The following MROH9 variants were observed in gnomAD, a reference collection of about 807,000 sequenced individuals.
The protein encoded by MROH9 is maestro heat like repeat family member 9.
Under a neutral mutation model 98.2 loss-of-function variants are expected in MROH9, and 92 were observed. That is an observed-to-expected ratio of 0.94 (90% CI 0.79 to 1.11). The LOEUF (loss-of-function observed/expected upper bound fraction) is 1.11, where lower values mean the gene tolerates loss of function less well. MROH9 is among the 50% of genes most tolerant of loss of function. The pLI is 0.00. For missense variants in MROH9, 1,057 were observed against 1,014.8 expected (o/e 1.04, Z -0.57); for synonymous variants, 397 against 368.9 (o/e 1.08, Z -0.87).
intron 20 of MROH9, among the ~76,000 whole-genome samples, chr1:171,039,338 A>G (rs560426485): frequency 6.6e-6 from 1 of 152,286 alleles, no homozygotes; most frequent in South Asian, 2.1e-4. Flanking sequence ...AAACAACATA[A>G]TAATTTATTT....
intron 20 of MROH9, among the ~76,000 whole-genome samples, chr1:171,034,702 G>C (rs1050758170): frequency 1.3e-5 from 2 of 152,216 alleles, no homozygotes; most frequent in East Asian, 3.9e-4. Flanking sequence ...CATAGATCTT[G>C]ATAAGTTGAT....
At chr1:170,935,910 T>TGAACTC (rs1648857271) in intron 1 of MROH9, among the ~76,000 whole-genome samples, 1 of 138,522 alleles carries the variant, frequency 7.2e-6, no homozygotes, top group African/African-American at 2.7e-5. Flanking sequence ...GAGAATCACT[T>TGAACTC]GAACTCGGGA....
intron 20 of MROH9, among the ~76,000 whole-genome samples, chr1:171,048,596 G>A (rs1048161461): frequency 7.2e-5 from 11 of 152,076 alleles, no homozygotes; most frequent in Non-Finnish European, 1.6e-4. Context: ...CAAAAGTCAA[G>A]TCCTGGAATC....
intron 1 of MROH9, among the ~76,000 whole-genome samples, chr1:170,938,808 A>G (rs778739187): frequency 3.3e-5 from 5 of 152,220 alleles, no homozygotes; most frequent in African/African-American, 4.8e-5. Flanking sequence ...TCAAGCTGCC[A>G]CCAGGTAGCT....
intron 20 of MROH9, among the ~76,000 whole-genome samples, chr1:171,035,323 T>G (rs1653063046): frequency 6.6e-6 from 1 of 151,002 alleles, no homozygotes; most frequent in Admixed American, 6.6e-5. Context: ...AGAGAAAACA[T>G]AGAGACAAAT....
At chr1:171,054,730 T>C (rs1436403562) in intron 20 of MROH9, among the ~76,000 whole-genome samples, 1 of 152,066 alleles carries the variant, frequency 6.6e-6, no homozygotes, top group African/African-American at 2.4e-5. Flanking sequence ...AATATACAAA[T>C]GGCCAACAAA....
intron 13 of MROH9, among the ~76,000 whole-genome samples, 189 bp from the exon 14 acceptor site, chr1:170,996,318 A>G (rs1651564091): frequency 6.6e-6 from 1 of 152,216 alleles, no homozygotes; most frequent in African/African-American, 2.4e-5. Context: ...CACAATTTTA[A>G]TTTAACCCCT....
chr1:170,995,421 TGGTTCCTACA>T lies in MROH9; in HGVS notation c.1230_1239del (p.Ser411LysfsTer11). 2 of 1,613,444 alleles carry T rather than the reference TGGTTCCTACA, an allele frequency of 1.2e-6. No homozygotes were observed. The highest frequency in any genetic ancestry group is 1.7e-6 in the Non-Finnish European group (2 of 1,179,540). On this transcript the variant is annotated frameshift_variant, in exon 13 of 22. Transcript: ENST00000367759. LOFTEE classifies it high-confidence loss of function. ...AGGCCCTGTGCACCTTTCTGCCTCTTGGTTCCTACAGGAAAGCGGTGGCCCAGTATTTCCC... is the reference window on the plus strand; with the variant it reads ...AGGCCCTGTGCACCTTTCTGCCTCTTGGAAAGCGGTGGCCCAGTATTTCCC...
At chr1:171,049,438 C>G (rs569892363) in intron 20 of MROH9, among the ~76,000 whole-genome samples, 4 of 152,198 alleles carry the variant, frequency 2.6e-5, no homozygotes, top group African/African-American at 9.6e-5. Context: ...CAGTGCTGTC[C>G]TGTTAGAGCG....
At chr1:170,985,879 T>C (rs1651112385) in intron 9 of MROH9, among the ~76,000 whole-genome samples, 1 of 152,062 alleles carries the variant, frequency 6.6e-6, no homozygotes, top group South Asian at 2.1e-4. Context: ...AAAGCAATAC[T>C]CCATCCCTTT....
At chr1:170,958,070 A>G (rs1188883365) in intron 3 of MROH9, among the ~76,000 whole-genome samples, 1 of 151,996 alleles carries the variant, frequency 6.6e-6, no homozygotes, top group African/African-American at 2.4e-5. Context: ...CGGCCTCCCA[A>G]AGTGCTGGGA....
chr1:170,960,231 G>C (rs1279228809), intron 5 of MROH9, among the ~76,000 whole-genome samples: 1 of 152,146 alleles, frequency 6.6e-6, no homozygotes, highest in African/African-American at 2.4e-5. Context: ...ACACAGATTT[G>C]TAGGCTGCTA....
Position 170,956,329 on chromosome 1 carries a change from AT to A in MROH9, c.73-2123del, listed in dbSNP as rs878901296. 4.6e-5 allele frequency among the ~76,000 whole-genome samples: 7 copies of A among 151,012 alleles called. No individual in the cohort carries two copies. In the East Asian group the frequency reaches 7.8e-4, roughly 17 times the overall value. ...TTTTTGGTTCCATATGAATTTTAGA[AT>A]TTTTTTTTCTAATTCTATGAAGAAT... is the stretch of plus-strand genomic sequence containing the variant. On this transcript the variant is annotated intron_variant, in intron 3 of 21. Coordinates refer to ENST00000367759, the MANE Select transcript of MROH9 (RefSeq NM_001163629.2).
At position 170,971,752 on chromosome 1, in the gene MROH9, G is replaced by T. The variant is rs1298177082; in HGVS notation, c.485G>T (p.Ser162Ile). 6.2e-7 allele frequency: 1 copy of T among 1,614,010 alleles called. No individual in the cohort carries two copies. Among genetic ancestry groups the T allele is most frequent in the Admixed American group, 1.7e-5 (1 of 60,016 alleles). ...FTVTKVRKYI[S>I]VDAPCLGLLA... ...TCTCCTTTGTTTCTCCATTAGATAA[G>T]TGTTGATGCTCCATGTTTGGGTCTC... is the stretch of plus-strand genomic sequence containing the variant. The change falls in exon 8 of 22, where the codon AGT becomes ATT. Residue 162 changes from serine to isoleucine, a missense_variant. Transcript: ENST00000367759.
intron 17 of MROH9, among the ~76,000 whole-genome samples, chr1:171,017,384 T>A (rs1450233490): frequency 4.6e-5 from 7 of 152,108 alleles, no homozygotes; most frequent in Non-Finnish European, 1.0e-4. Flanking sequence ...AGGCAGTGAG[T>A]GAGCATGCTA....
chr1:170,990,562 G>T (rs932799502), intron 11 of MROH9, among the ~76,000 whole-genome samples: 1 of 152,116 alleles, frequency 6.6e-6, no homozygotes, highest in African/African-American at 2.4e-5. Flanking sequence ...AACCTAACAG[G>T]CACATTAGAA....
intron 20 of MROH9, among the ~76,000 whole-genome samples, chr1:171,036,391 T>TA (rs529852150): frequency 4.7e-4 from 72 of 152,214 alleles, no homozygotes; most frequent in African/African-American, 1.5e-3. Flanking sequence ...TATATATACA[T>TA]ACCAAGAGTT....
intron 20 of MROH9, among the ~76,000 whole-genome samples, chr1:171,035,666 A>T (rs753476431): frequency 6.6e-6 from 1 of 152,194 alleles, no homozygotes; most frequent in African/African-American, 2.4e-5. Flanking sequence ...ATAAACATAT[A>T]AAAAGATATT....
intron 15 of MROH9, among the ~76,000 whole-genome samples, chr1:171,005,934 AC>A (rs1189374242): frequency 5.9e-5 from 9 of 152,006 alleles, no homozygotes; most frequent in Non-Finnish European, 1.3e-4. Context: ...TTGTCTTTTA[AC>A]TTTTATATGA....
Sources: gnomAD v4.1 joint callset for allele counts (sites outside exome capture counted in the v4.1 genomes callset) on GRCh38, gnomAD v4.1.1 for gene constraint, MANE v1.5 for transcripts, NCBI Gene and HGNC (gene_info 2026-07-23, HGNC 2026-07-21) for gene names.